FBXO47: variants seen among roughly 807,000 people sequenced by gnomAD.
FBXO47 encodes the protein F-box only protein 47.
Under a neutral mutation model 53.9 loss-of-function variants are expected in FBXO47, and 34 were observed. The observed-to-expected ratio is 0.63, with a 90% CI of 0.48 to 0.84. FBXO47 has a LOEUF of 0.84. Ranked by LOEUF, FBXO47 falls within the 40% of genes least tolerant of loss-of-function variation. The pLI is 0.00. For synonymous variants in FBXO47, 165 were observed against 181.6 expected (o/e 0.91, Z 0.73); for missense variants, 485 against 541.3 (o/e 0.90, Z 1.03).
intron 10 of FBXO47, among the ~76,000 whole-genome samples, chr17:38,937,910 C>T (rs1325986084): frequency 1.3e-5 from 2 of 152,156 alleles, no homozygotes; most frequent in African/African-American, 4.8e-5. Context: ...CCTTGTGATC[C>T]ACCCGCCTCG....
At position 38,941,255 on chromosome 17, in the gene FBXO47, C is replaced by T. The variant is rs929005146; in HGVS notation, c.1083+1523G>A. Reference sequence around the variant, plus strand: ...GGCATGATCTGCTCACTGCAACCTCCGCCTGCCAGGCTCAAGTGATTCTCC... The same window carrying T: ...GGCATGATCTGCTCACTGCAACCTCTGCCTGCCAGGCTCAAGTGATTCTCC... On this transcript the variant is annotated intron_variant, in intron 9 of 10. Transcript: ENST00000378079. 2.0e-5 allele frequency among the ~76,000 whole-genome samples: 3 copies of T among 151,520 alleles called. No homozygotes were observed. In the East Asian group the frequency reaches 5.9e-4, roughly 30 times the overall value.
intron 6 of FBXO47, among the ~76,000 whole-genome samples, chr17:38,949,579 T>C (rs988654842): frequency 2.6e-4 from 39 of 152,200 alleles, no homozygotes; most frequent in Non-Finnish European, 5.1e-4. Context: ...GTTTAATCAT[T>C]TGAGAAACTG....
At chr17:38,941,619 AT>A (rs71138677) in intron 9 of FBXO47, among the ~76,000 whole-genome samples, 12,953 of 69,308 alleles carry the variant, frequency 0.19, 732 homozygotes, top group Middle Eastern at 0.38. Flanking sequence ...TAAATATAAT[AT>A]TATATATATA....
chr17:38,954,322 A>C (rs1207517044), intron 5 of FBXO47, among the ~76,000 whole-genome samples: 3 of 151,994 alleles, frequency 2.0e-5, no homozygotes, highest in African/African-American at 7.2e-5. Flanking sequence ...TAAATAAATA[A>C]ATAAAAATAA....
At chr17:38,941,642 A>ATATATATATATG (rs924192946) in intron 9 of FBXO47, among the ~76,000 whole-genome samples, 64 of 144,218 alleles carry the variant, frequency 4.4e-4, no homozygotes, top group African/African-American at 1.5e-3. Flanking sequence ...ATATATATAT[A>ATATATATATATG]TATGTATGTG....
rs1353727945 is a variant in FBXO47, at chr17:38,963,122, T to TTTA, written c.-26-72_-26-71insTAA. Reference sequence around the variant, plus strand: ...AAAGCAAGAAAGAGATTTTTTTTTTTAAACGAAGAGGTTGATAGTACGATA... The same window carrying TTTA: ...AAAGCAAGAAAGAGATTTTTTTTTTTTTAAAACGAAGAGGTTGATAGTACGATA... On this transcript the variant is annotated intron_variant, in intron 1 of 10. Coordinates refer to ENST00000378079, the MANE Select transcript of FBXO47 (RefSeq NM_001008777.3). The TTTA allele has an allele frequency of 8.1e-6, 8 of 982,216 alleles. No homozygotes were observed. The African/African-American group carries it at 1.1e-4, about 14-fold the overall frequency. 60.8% of individuals were successfully genotyped at this position (982,216 alleles called of 1,614,324 possible). A position where few individuals can be genotyped will look rare whatever the true frequency, so the allele number is the denominator to read the frequency against.
At position 38,945,113 on chromosome 17, in the gene FBXO47, T is replaced by C. The variant is rs1327725787; in HGVS notation, c.640A>G (p.Arg214Gly). The C allele has an allele frequency of 1.9e-6, 3 of 1,612,950 alleles. No homozygotes were observed. The Admixed American group carries it at 5.0e-5, about 27-fold the overall frequency. ...KPGSAQKLEL[R>G]IRLFCRNVLL... ...ACATTCCTACAGAAGAGTCTGATTC[T>C]TAACTCCAGTTTTTGGGCACTTCCT... The change falls in exon 7 of 11, where the codon AGA (arginine) becomes GGA (glycine). Residue 214 changes from arginine (R) to glycine (G), a missense_variant. Arg to Gly is a moderately radical substitution (Grantham distance 125, BLOSUM62 -2). Transcript: ENST00000378079.
intron 9 of FBXO47, among the ~76,000 whole-genome samples, chr17:38,940,453 A>G (rs535483915): frequency 7.9e-5 from 12 of 151,990 alleles, no homozygotes; most frequent in Middle Eastern, 6.8e-3. Flanking sequence ...CTATTAGAAA[A>G]TGGGTTCAAG....
At chr17:38,951,774 T>TA (rs1905303030) in intron 5 of FBXO47, 85 bp from the exon 6 acceptor site, 1 of 989,106 alleles carries the variant, frequency 1.0e-6, no homozygotes, top group South Asian at 1.4e-5. Flanking sequence ...CTCACGCCTG[T>TA]AATCCCAACA....
chr17:38,949,192 A>AAGAG (rs1905080845), intron 6 of FBXO47, among the ~76,000 whole-genome samples: 1 of 152,086 alleles, frequency 6.6e-6, no homozygotes, highest in South Asian at 2.1e-4. Context: ...TGAGACAGGC[A>AAGAG]GATCACTTGA....
At chr17:38,942,530 G>C (rs898475033) in intron 9 of FBXO47, among the ~76,000 whole-genome samples, 2 of 152,166 alleles carry the variant, frequency 1.3e-5, no homozygotes, top group Admixed American at 1.3e-4. Flanking sequence ...GGAGGTGGAA[G>C]TTGCGGTGAG....
intron 4 of FBXO47, among the ~76,000 whole-genome samples, chr17:38,956,707 TATAAAG>T (rs1197487643): frequency 2.6e-5 from 4 of 152,162 alleles, no homozygotes; most frequent in African/African-American, 7.2e-5. Flanking sequence ...AATTGAGTCT[TATAAAG>T]AGACTATGCC....
intron 5 of FBXO47, 145 bp downstream of exon 5, chr17:38,954,711 A>G: frequency 1.9e-6 from 1 of 525,080 alleles, no homozygotes; most frequent in Non-Finnish European, 3.3e-6. Flanking sequence ...ACACTATTAG[A>G]TTAATACATT....
chr17:38,942,710 A>G (rs766933881), intron 9 of FBXO47, 68 bp downstream of exon 9: 15 of 1,266,024 alleles, frequency 1.2e-5, no homozygotes, highest in African/African-American at 3.0e-5. Context: ...CAGTTCCTTC[A>G]GGGCAGCTCC....
chr17:38,939,833 A>T (rs1904430120), intron 9 of FBXO47, among the ~76,000 whole-genome samples: 1 of 150,056 alleles, frequency 6.7e-6, no homozygotes, highest in Admixed American at 6.6e-5. Flanking sequence ...GCGCCCGGCT[A>T]ATTTTTTGTA....
intron 2 of FBXO47, among the ~76,000 whole-genome samples, chr17:38,962,323 A>T (rs1044206600): frequency 1.3e-5 from 2 of 152,184 alleles, no homozygotes; most frequent in African/African-American, 4.8e-5. Context: ...GATTTAAAAA[A>T]ATTAATTTAG....
At position 38,954,949 on chromosome 17, in the gene FBXO47, T is replaced by C. The variant is rs763177657; in HGVS notation, c.430-16A>G. Reference sequence around the variant, plus strand: ...AGCAGGAAACCTGTAAAGAAAACAATGTTAATACCTCCTTGTCAGTGAAAC... The same window carrying C: ...AGCAGGAAACCTGTAAAGAAAACAACGTTAATACCTCCTTGTCAGTGAAAC... On this transcript the variant is annotated splice_polypyrimidine_tract_variant and intron_variant, in intron 4 of 10. Transcript: ENST00000378079. 1.3e-6 allele frequency: 2 copies of C among 1,545,794 alleles called. No homozygotes were observed. The highest frequency in any genetic ancestry group is 1.8e-6 in the Non-Finnish European group (2 of 1,123,682).
chr17:38,948,207 ATTTTTTTTTTT>A (rs869282186), intron 6 of FBXO47, among the ~76,000 whole-genome samples: 3 of 89,294 alleles, frequency 3.4e-5, no homozygotes, highest in South Asian at 4.1e-4. Flanking sequence ...CCTATTCTGG[ATTTTTTTTTTT>A]TTTTTTTTTT....
intron 7 of FBXO47, among the ~76,000 whole-genome samples, chr17:38,944,190 CAT>C (rs1491526702): frequency 0.053 from 6,545 of 122,682 alleles, 183 homozygotes; most frequent in Non-Finnish European, 0.074. Flanking sequence ...TCAAAAAAAA[CAT>C]GTGTGTGTGT....
Sources: gnomAD v4.1 joint callset for allele counts (sites outside exome capture counted in the v4.1 genomes callset) on GRCh38, gnomAD v4.1.1 for gene constraint, MANE v1.5 for transcripts, NCBI Gene and HGNC (gene_info 2026-07-23, HGNC 2026-07-21) for gene names.